Variants in C10orf67 observed in about 807,000 individuals in gnomAD.
The protein encoded by C10orf67 is uncharacterized protein C10orf67, mitochondrial.
C10orf67 carries 60 observed loss-of-function variants against 35.6 expected under a neutral mutation model. That is an observed-to-expected ratio of 1.68 (90% CI 1.37 to 2.09). C10orf67 has a LOEUF of 2.09. Among genes scored for constraint, C10orf67 ranks in the 30% most tolerant of loss-of-function variants. The pLI, the probability that C10orf67 is intolerant of heterozygous loss-of-function variation, is 0.00. For synonymous variants in C10orf67, 167 were observed against 115.8 expected (o/e 1.44, Z -2.84); for missense variants, 474 against 330.2 (o/e 1.44, Z -3.38).
chr10:23,303,216 TTTTAA>T, intron 5 of C10orf67, 83 bp downstream of exon 5: 1 of 421,112 alleles, frequency 2.4e-6, no homozygotes, highest in South Asian at 7.0e-5. Context: ...AGCAATTGGA[TTTTAA>T]TTTATCATTA....
chr10:23,336,053 AG>A (rs1308007041), intron 1 of C10orf67, among the ~76,000 whole-genome samples: 2 of 152,354 alleles, frequency 1.3e-5, no homozygotes, highest in African/African-American at 4.8e-5. Context: ...ATAGAAGAAC[AG>A]CAAGCCTGGT....
chr10:23,231,253 C>T (rs1201670636), intron 13 of C10orf67, among the ~76,000 whole-genome samples: 1 of 152,188 alleles, frequency 6.6e-6, no homozygotes, highest in Non-Finnish European at 1.5e-5. Context: ...GGATGCAGTT[C>T]TAGGTCTAGG....
intron 15 of C10orf67, among the ~76,000 whole-genome samples, chr10:23,207,591 T>C (rs913722945): frequency 6.6e-6 from 1 of 152,202 alleles, no homozygotes; most frequent in African/African-American, 2.4e-5. Context: ...CATTTCTCAA[T>C]TAAATTAGAT....
At chr10:23,340,910 A>G (rs1845858516) in intron 1 of C10orf67, among the ~76,000 whole-genome samples, 1 of 152,246 alleles carries the variant, frequency 6.6e-6, no homozygotes, top group African/African-American at 2.4e-5. Context: ...ACCTATGAAT[A>G]TGTATTAATA....
At chr10:23,343,769 A>G (rs1846013984) in intron 1 of C10orf67, 1 of 313,952 alleles carries the variant, frequency 3.2e-6, no homozygotes, top group South Asian at 2.6e-5. Flanking sequence ...CTCTTTTCGG[A>G]CAGTGATCCC....
At chr10:23,279,787 C>CAT in intron 8 of C10orf67, among the ~76,000 whole-genome samples, 1 of 151,288 alleles carries the variant, frequency 6.6e-6, no homozygotes, top group East Asian at 1.9e-4. Context: ...GCTTACCTAA[C>CAT]ATATATATTA....
rs1042365436 is a variant in C10orf67, at chr10:23,235,976, T to C, written c.1434+3753A>G. On this transcript the variant is annotated intron_variant, in intron 13 of 15. Coordinates refer to ENST00000636213, the MANE Select transcript of C10orf67 (RefSeq NM_001371909.1). ...CAAAAATACAAAAATTGGCTGGGCA[T>C]GGTGGCTCAAGCCTGTAATCCCAGC... 3.3e-5 allele frequency among the ~76,000 whole-genome samples: 5 copies of C among 151,308 alleles called. No homozygotes were observed. In the East Asian group the frequency reaches 5.8e-4, roughly 18 times the overall value.
intron 10 of C10orf67, among the ~76,000 whole-genome samples, chr10:23,254,971 C>G (rs1792669639): frequency 6.6e-6 from 1 of 152,176 alleles, no homozygotes; most frequent in South Asian, 2.1e-4. Flanking sequence ...TCTGACTCAT[C>G]ATGATGAAGA....
At chr10:23,232,914 T>G (rs1281233705) in intron 13 of C10orf67, among the ~76,000 whole-genome samples, 1 of 152,116 alleles carries the variant, frequency 6.6e-6, no homozygotes, top group African/African-American at 2.4e-5. Context: ...CCTAGCACTT[T>G]GGGAGGCTGA....
intron 10 of C10orf67, among the ~76,000 whole-genome samples, chr10:23,262,677 T>A (rs573278686): frequency 6.6e-6 from 1 of 152,214 alleles, no homozygotes; most frequent in East Asian, 1.9e-4. Context: ...TTTGACAACA[T>A]CTTTTCATGT....
intron 8 of C10orf67, among the ~76,000 whole-genome samples, chr10:23,277,221 T>A (rs1320122657): frequency 6.6e-6 from 1 of 152,104 alleles, no homozygotes; most frequent in African/African-American, 2.4e-5. Flanking sequence ...CTACGAGAAT[T>A]TAAATATTTT....
chr10:23,248,218 G>A (rs1047251482), intron 12 of C10orf67, among the ~76,000 whole-genome samples: 2 of 152,216 alleles, frequency 1.3e-5, no homozygotes, highest in African/African-American at 2.4e-5. Context: ...GGTGGCTCAG[G>A]TGGATGCATG....
At chr10:23,316,523 T>A (rs1473699569) in intron 4 of C10orf67, among the ~76,000 whole-genome samples, 1 of 152,208 alleles carries the variant, frequency 6.6e-6, no homozygotes, top group African/African-American at 2.4e-5. Flanking sequence ...AGTCCCACCA[T>A]TTGGTGGGTC....
chr10:23,328,507 T>C (rs1214619780), intron 2 of C10orf67, among the ~76,000 whole-genome samples: 2 of 152,170 alleles, frequency 1.3e-5, no homozygotes, highest in African/African-American at 2.4e-5. Flanking sequence ...CAGGCACTAA[T>C]GGTGGAGATG....
chr10:23,248,984 G>C (rs1357398373), intron 12 of C10orf67, among the ~76,000 whole-genome samples: 6 of 151,580 alleles, frequency 4.0e-5, no homozygotes, highest in East Asian at 1.9e-4. Context: ...AAAAAAATTA[G>C]GTAGGTGTGG....
At chr10:23,239,703 A>G (rs1406122721) in intron 13 of C10orf67, 26 bp downstream of exon 13, 1 of 621,618 alleles carries the variant, frequency 1.6e-6, no homozygotes, top group Non-Finnish European at 3.1e-6. Context: ...AGAGACAAAC[A>G]GCATCTAAAC....
In C10orf67 at chr10:23,267,202, C is replaced by G. The variant is rs1352067260; in HGVS notation, c.1028G>C (p.Ser343Thr). Residue 343 changes from serine (S) to threonine (T), a missense_variant, in exon 9 of 16, where the codon AGT becomes ACT. Ser to Thr is a moderately conservative substitution (Grantham distance 58). Transcript: ENST00000636213. ...AAAAACTTAAATACAAACCTTTACA[C>G]TTAAGCTGCCATACTTTTTTCTCAT... ...KEMRKKYGSL[S>T]VKVARSAKGR... 9.8e-6 allele frequency: 7 copies of G among 715,428 alleles called. No individual in the cohort carries two copies. Among genetic ancestry groups the G allele is most frequent in the South Asian group, 8.9e-5 (6 of 67,290 alleles). 44.3% of individuals were successfully genotyped at this position (715,428 alleles called of 1,614,324 possible).
intron 15 of C10orf67, among the ~76,000 whole-genome samples, chr10:23,211,222 C>A (rs2132085898): frequency 6.6e-6 from 1 of 152,216 alleles, no homozygotes; most frequent in South Asian, 2.1e-4. Flanking sequence ...GCCACCAATC[C>A]TTGGCATTCC....
At chr10:23,259,336 T>C (rs1195356011) in intron 10 of C10orf67, among the ~76,000 whole-genome samples, 3 of 152,186 alleles carry the variant, frequency 2.0e-5, no homozygotes, top group Non-Finnish European at 4.4e-5. Context: ...TTATTTAGAG[T>C]TGATAACCCT....
Sources: allele counts gnomAD v4.1 joint callset (sites outside exome capture counted in the v4.1 genomes callset), GRCh38; gene constraint gnomAD v4.1.1; transcripts MANE v1.5; gene names NCBI Gene and HGNC (gene_info 2026-07-23, HGNC 2026-07-21).